Variants in TRPM6 observed in about 807,000 individuals in gnomAD.
TRPM6 encodes the protein channel kinase 2.
A neutral mutation model predicts 247.6 loss-of-function variants in TRPM6; 111 were observed. The observed-to-expected ratio is 0.45, with a 90% CI of 0.38 to 0.52. The LOEUF is 0.52. TRPM6 is among the 20% of genes least tolerant of loss of function. The pLI is 0.00. For synonymous variants in TRPM6, 892 were observed against 853.8 expected (o/e 1.04, Z -0.78); for missense variants, 2,126 against 2,421.5 (o/e 0.88, Z 2.56).
chr9:74,809,249 C>T (rs2117875922), intron 13 of TRPM6, among the ~76,000 whole-genome samples: 1 of 152,300 alleles, frequency 6.6e-6, no homozygotes, highest in East Asian at 1.9e-4. Flanking sequence ...TGGTAGATTT[C>T]CAAGTATGTG....
At position 74,762,435 on chromosome 9, in the gene TRPM6, G is replaced by T; in HGVS notation, c.4236C>A (p.His1412Gln). The T allele has an allele frequency of 6.2e-7, 1 of 1,614,186 alleles. No individual in the cohort carries two copies. The highest frequency in any genetic ancestry group is 8.5e-7 in the Non-Finnish European group (1 of 1,180,038). ...EPKEKHEPIA[H>Q]LLDGQDKAEQ... ...CTGCCTTGTCTTGTCCATCCAGTAA[G>T]TGAGCAATAGGCTCGTGCTTTTCCT... The change falls in exon 26 of 39, where the codon CAC becomes CAA. Residue 1412 changes from histidine (H) to glutamine (Q), a missense_variant. This residue lies in a region of TRPM6 where 717 missense variants were observed against 715.9 expected (regional missense o/e 1.00). Coordinates refer to ENST00000360774, the MANE Select transcript of TRPM6 (RefSeq NM_017662.5).
chr9:74,759,059 T>C (rs1206175579), intron 27 of TRPM6, among the ~76,000 whole-genome samples: 1 of 152,098 alleles, frequency 6.6e-6, no homozygotes, highest in Non-Finnish European at 1.5e-5. Context: ...TTTAACAAAA[T>C]ATGTGCAAGA....
chr9:74,764,392 C>A (rs1329687067), intron 25 of TRPM6, among the ~76,000 whole-genome samples: 1 of 152,106 alleles, frequency 6.6e-6, no homozygotes, highest in Non-Finnish European at 1.5e-5. Flanking sequence ...CTGATACACA[C>A]ACACAGAGGG....
intron 27 of TRPM6, among the ~76,000 whole-genome samples, chr9:74,757,661 C>A (rs1395926788): frequency 2.0e-5 from 3 of 151,874 alleles, no homozygotes; most frequent in Non-Finnish European, 2.9e-5. Context: ...TCCCTGTAAT[C>A]CCAGCACTCG....
At chr9:74,867,372 C>T (rs1830879137) in intron 1 of TRPM6, among the ~76,000 whole-genome samples, 1 of 152,174 alleles carries the variant, frequency 6.6e-6, no homozygotes, top group Non-Finnish European at 1.5e-5. Flanking sequence ...AGAACTACTG[C>T]ACACAAGTGA....
chr9:74,885,777 T>C (rs1015492204), intron 1 of TRPM6, among the ~76,000 whole-genome samples: 2 of 152,110 alleles, frequency 1.3e-5, no homozygotes, highest in Admixed American at 1.3e-4. Context: ...AAACTCATGA[T>C]TTAAAACACA....
intron 1 of TRPM6, among the ~76,000 whole-genome samples, chr9:74,878,764 A>C (rs1341945851): frequency 6.6e-6 from 1 of 152,262 alleles, no homozygotes; most frequent in African/African-American, 2.4e-5. Flanking sequence ...ATAATTCTCC[A>C]GCAATAGATT....
chr9:74,850,752 G>T (rs906436358), intron 3 of TRPM6, among the ~76,000 whole-genome samples: 4 of 151,980 alleles, frequency 2.6e-5, no homozygotes, highest in African/African-American at 9.7e-5. Flanking sequence ...CAAAAAAAAG[G>T]CAAAGTAAGA....
At chr9:74,756,992 T>C (rs1421237265) in intron 27 of TRPM6, among the ~76,000 whole-genome samples, 2 of 148,592 alleles carry the variant, frequency 1.3e-5, no homozygotes, top group Admixed American at 1.3e-4. Flanking sequence ...AGGTCAGGAG[T>C]TCAAGACTAG....
intron 3 of TRPM6, among the ~76,000 whole-genome samples, chr9:74,852,562 C>G (rs1275361930): frequency 6.6e-6 from 1 of 152,142 alleles, no homozygotes; most frequent in Non-Finnish European, 1.5e-5. Context: ...GACTGTGCCG[C>G]CACCATCTCG....
intron 3 of TRPM6, among the ~76,000 whole-genome samples, chr9:74,850,507 G>C (rs902245012): frequency 6.6e-6 from 1 of 151,900 alleles, no homozygotes; most frequent in African/African-American, 2.4e-5. Flanking sequence ...ATCACATGAG[G>C]TCGGGAGTTC....
chr9:74,837,175 G>A (rs1004383835), intron 5 of TRPM6, among the ~76,000 whole-genome samples: 7 of 152,344 alleles, frequency 4.6e-5, no homozygotes, highest in African/African-American at 1.2e-4. Flanking sequence ...AGATTCATGC[G>A]AAATTATGTT....
intron 3 of TRPM6, among the ~76,000 whole-genome samples, chr9:74,851,237 G>A (rs1423608735): frequency 6.6e-6 from 1 of 151,854 alleles, no homozygotes; most frequent in African/African-American, 2.4e-5. Flanking sequence ...TCACTAACAA[G>A]TACTAAAAGC....
rs745920522 is a variant in TRPM6, at chr9:74,775,934, G to A, written c.3352C>T (p.Leu1118=). The change falls in exon 24 of 39, where the codon CTG becomes TTG. Residue 1118 remains leucine, a synonymous_variant. Coordinates refer to ENST00000360774, the MANE Select transcript of TRPM6 (RefSeq NM_017662.5). ...LSHVGLLLRR[L]CCHRAPHDQE... ...TCGTGAGGAGCTCGATGACAGCACA[G>A]GCGGCGGAGGAGAAGGCCCACGTGG... The A allele has an allele frequency of 2.5e-6, 4 of 1,614,182 alleles. No homozygotes were observed. In the Admixed American group the frequency reaches 6.7e-5, roughly 27 times the overall value.
At chr9:74,725,370 T>C (rs997172670) in intron 38 of TRPM6, among the ~76,000 whole-genome samples, 3 of 150,256 alleles carry the variant, frequency 2.0e-5, no homozygotes, top group Admixed American at 6.6e-5. Context: ...GTATTTCTTA[T>C]TTTTTTAATG....
chr9:74,759,170 A>C (rs1484971102), intron 27 of TRPM6, among the ~76,000 whole-genome samples: 1 of 152,128 alleles, frequency 6.6e-6, no homozygotes, highest in Non-Finnish European at 1.5e-5. Context: ...ATTATTGTTA[A>C]GATGTCAACT....
At chr9:74,760,026 A>T (rs2118831111) in intron 27 of TRPM6, among the ~76,000 whole-genome samples, 1 of 152,358 alleles carries the variant, frequency 6.6e-6, no homozygotes, top group East Asian at 1.9e-4. Flanking sequence ...CCACTAATAC[A>T]ACGGTGGTCC....
intron 16 of TRPM6, among the ~76,000 whole-genome samples, chr9:74,801,243 ATTTTTTTTT>A (rs59490187): frequency 5.2e-4 from 44 of 85,294 alleles, no homozygotes; most frequent in African/African-American, 1.8e-3. Context: ...AAGCCTGGGA[ATTTTTTTTT>A]TTTTTTTTTT....
intron 36 of TRPM6, among the ~76,000 whole-genome samples, chr9:74,735,863 C>T (rs1825678821): frequency 1.3e-5 from 2 of 152,144 alleles, no homozygotes; most frequent in Admixed American, 1.3e-4. Context: ...TTGGCACTCC[C>T]TTGGAAGAAA....
Sources: allele counts gnomAD v4.1 joint callset (sites outside exome capture counted in the v4.1 genomes callset), GRCh38; gene constraint gnomAD v4.1.1; regional missense constraint gnomAD v4.1.1; transcripts MANE v1.5; gene names NCBI Gene and HGNC (gene_info 2026-07-23, HGNC 2026-07-21).